Variants in STK39 observed in about 807,000 individuals in gnomAD.
STK39 encodes STE20/SPS1-related proline-alanine-rich protein kinase.
STK39 carries 20 observed loss-of-function variants against 77.8 expected under a neutral mutation model. The ratio of observed to expected loss-of-function variants is 0.26; its 90% CI spans 0.18 to 0.37. The LOEUF is 0.37. STK39 is among the 10% of genes least tolerant of loss of function. The pLI is 1.00. For missense variants in STK39, 479 were observed against 656.5 expected, an observed-to-expected ratio of 0.73 and a Z score of 2.95; for synonymous variants, 246 against 234.1, an observed-to-expected ratio of 1.05 and a Z score of -0.47.
chr2:167,983,034 T>G (rs1457033043), intron 16 of STK39, among the ~76,000 whole-genome samples: 1 of 152,164 alleles, frequency 6.6e-6, no homozygotes, highest in Non-Finnish European at 1.5e-5. Context: ...TCTTAGGAGG[T>G]GCACATAGAT....
At chr2:168,232,964 A>G (rs2105264209) in intron 1 of STK39, among the ~76,000 whole-genome samples, 1 of 152,098 alleles carries the variant, frequency 6.6e-6, no homozygotes, top group Admixed American at 6.5e-5. Flanking sequence ...GTCTTGCAGC[A>G]TTTATGAAGA....
intron 4 of STK39, among the ~76,000 whole-genome samples, chr2:168,162,744 T>C (rs1239196884): frequency 5.3e-5 from 8 of 152,136 alleles, no homozygotes; most frequent in East Asian, 1.9e-4. Context: ...TTGAAAAATA[T>C]AGGCCAGCCA....
chr2:168,102,033 C>A (rs1686841870), intron 10 of STK39, among the ~76,000 whole-genome samples: 1 of 152,108 alleles, frequency 6.6e-6, no homozygotes, highest in African/African-American at 2.4e-5. Context: ...ACGGAATCAT[C>A]CAATATGGGT....
At chr2:168,055,337 T>C (rs1313019341) in intron 14 of STK39, among the ~76,000 whole-genome samples, 3 of 152,238 alleles carry the variant, frequency 2.0e-5, no homozygotes, top group Non-Finnish European at 4.4e-5. Context: ...GCTTTCTTTA[T>C]GAAATCATAA....
intron 8 of STK39, among the ~76,000 whole-genome samples, chr2:168,134,622 T>C (rs891511325): frequency 6.6e-6 from 1 of 152,152 alleles, no homozygotes; most frequent in African/African-American, 2.4e-5. Flanking sequence ...TGTTCTGGTA[T>C]GCAAATATAA....
intron 16 of STK39, among the ~76,000 whole-genome samples, chr2:167,992,914 A>G (rs1275904096): frequency 4.6e-5 from 7 of 152,206 alleles, no homozygotes; most frequent in African/African-American, 1.7e-4. Context: ...TAAACAATCT[A>G]GATTTTGCTT....
intron 7 of STK39, among the ~76,000 whole-genome samples, 154 bp from the exon 8 acceptor site, chr2:168,138,375 A>G (rs1443978289): frequency 6.6e-6 from 1 of 152,262 alleles, no homozygotes; most frequent in East Asian, 1.9e-4. Context: ...TATTTAAAGT[A>G]TTCATTACCA....
chr2:168,022,487 A>G (rs1684594716), intron 14 of STK39, among the ~76,000 whole-genome samples: 2 of 152,186 alleles, frequency 1.3e-5, no homozygotes, highest in Non-Finnish European at 2.9e-5. Flanking sequence ...GACAACCACT[A>G]TTCAGTGCCT....
chr2:167,988,992 C>T (rs932831312), intron 16 of STK39, among the ~76,000 whole-genome samples: 2 of 152,156 alleles, frequency 1.3e-5, no homozygotes, highest in African/African-American at 4.8e-5. Flanking sequence ...GAGTGCTCAC[C>T]CCCACAGAAC....
intron 1 of STK39, among the ~76,000 whole-genome samples, chr2:168,199,582 C>A (rs969220703): frequency 4.0e-5 from 6 of 150,934 alleles, no homozygotes; most frequent in African/African-American, 1.2e-4. Context: ...GACTGGAGTG[C>A]AGTGGCACGA....
intron 16 of STK39, among the ~76,000 whole-genome samples, chr2:167,996,642 T>C (rs1683848049): frequency 1.3e-5 from 2 of 152,200 alleles, no homozygotes; most frequent in African/African-American, 4.8e-5. Flanking sequence ...GCTTATTGCA[T>C]TGTCTCCTGT....
intron 16 of STK39, among the ~76,000 whole-genome samples, chr2:167,985,313 G>A (rs1683529686): frequency 6.6e-6 from 1 of 152,176 alleles, no homozygotes; most frequent in Admixed American, 6.5e-5. Flanking sequence ...CCTTTCTTCA[G>A]GGGAAGAACT....
At chr2:167,992,078 A>G (rs4667994) in intron 16 of STK39, among the ~76,000 whole-genome samples, 82,395 of 152,032 alleles carry the variant, frequency 0.54, 23,421 homozygotes, top group African/African-American at 0.63. Flanking sequence ...GGCACCAGTT[A>G]GCACTAATGC....
At chr2:168,025,398 C>T (rs1405874699) in intron 14 of STK39, among the ~76,000 whole-genome samples, 1 of 152,208 alleles carries the variant, frequency 6.6e-6, no homozygotes. Context: ...TGATGGCCCA[C>T]TATCAAGACC....
At chr2:168,074,391 G>T (rs187873691) in intron 12 of STK39, among the ~76,000 whole-genome samples, 1 of 152,282 alleles carries the variant, frequency 6.6e-6, no homozygotes, top group Non-Finnish European at 1.5e-5. Context: ...TAGGCATTAG[G>T]ATAATTAATC....
At chr2:167,990,379 T>A (rs1170244276) in intron 16 of STK39, among the ~76,000 whole-genome samples, 2 of 152,192 alleles carry the variant, frequency 1.3e-5, no homozygotes, top group Non-Finnish European at 2.9e-5. Flanking sequence ...AGGTCTACAG[T>A]GTGCTGTACA....
Position 168,063,482 on chromosome 2 carries a change from A to C in STK39, c.1376+18T>G, listed in dbSNP as rs749238623. On this transcript the variant is annotated intron_variant, in intron 14 of 17. Coordinates refer to ENST00000355999, the MANE Select transcript of STK39 (RefSeq NM_013233.3). Reference sequence around the variant, plus strand: ...ACTATAGGAAAAACAATGCAGAATAAACAACAGTATTATTTACCTTAATCT... The same window carrying C: ...ACTATAGGAAAAACAATGCAGAATACACAACAGTATTATTTACCTTAATCT... 4 of 1,602,796 alleles carry C rather than the reference A, an allele frequency of 2.5e-6. No individual in the cohort carries two copies. The East Asian group carries it at 8.9e-5, about 36-fold the overall frequency.
intron 14 of STK39, among the ~76,000 whole-genome samples, chr2:168,020,386 G>T (rs1684539936): frequency 6.6e-6 from 1 of 152,170 alleles, no homozygotes; most frequent in South Asian, 2.1e-4. Flanking sequence ...TCTGCAAGCT[G>T]TTGCAATGTT....
At chr2:168,244,055 A>G (rs2105285461) in intron 1 of STK39, among the ~76,000 whole-genome samples, 1 of 152,336 alleles carries the variant, frequency 6.6e-6, no homozygotes, top group Non-Finnish European at 1.5e-5. Context: ...AAGGAATTTA[A>G]TAATTTCCAA....
Sources: gnomAD v4.1 joint callset for allele counts (sites outside exome capture counted in the v4.1 genomes callset) on GRCh38, gnomAD v4.1.1 for gene constraint, MANE v1.5 for transcripts, NCBI Gene and HGNC (gene_info 2026-07-23, HGNC 2026-07-21) for gene names.